The following MTMR3 variants were observed in gnomAD, a reference collection of about 807,000 sequenced individuals.
The protein encoded by MTMR3 is phosphatidylinositol-3,5-bisphosphate 3-phosphatase MTMR3.
A neutral mutation model predicts 132.4 loss-of-function variants in MTMR3; 32 were observed. That is an observed-to-expected ratio of 0.24 (90% CI 0.18 to 0.32). MTMR3 has a LOEUF of 0.32. Among genes scored for constraint, MTMR3 ranks in the 10% least tolerant of loss-of-function variants. The pLI is 1.00. For synonymous variants in MTMR3, 556 were observed against 550.3 expected, an observed-to-expected ratio of 1.01 and a Z score of -0.14; for missense variants, 1,216 against 1,489.6, an observed-to-expected ratio of 0.82 and a Z score of 3.02.
At chr22:29,988,768 ATAATTT>A (rs1313879927) in intron 6 of MTMR3, 2 of 322,968 alleles carry the variant, frequency 6.2e-6, no homozygotes, top group Non-Finnish European at 5.7e-6. Context: ...TAATTTGGAA[ATAATTT>A]TAAATTTACA....
chr22:30,021,929 C>T (rs2067767369), intron 17 of MTMR3, 100 bp from the exon 18 acceptor site: 2 of 896,022 alleles, frequency 2.2e-6, no homozygotes, highest in African/African-American at 1.6e-5. Flanking sequence ...TAGCACTCGG[C>T]CCCACCCAGA....
chr22:29,980,933 C>T (rs2066729124), intron 5 of MTMR3: 1 of 152,210 alleles, frequency 6.6e-6, no homozygotes, highest in Non-Finnish European at 1.5e-5. Context: ...TCCCCATTAT[C>T]ACATTTTTAC....
At chr22:29,932,817 A>G (rs559261626) in intron 1 of MTMR3, among the ~76,000 whole-genome samples, 15 of 152,170 alleles carry the variant, frequency 9.9e-5, no homozygotes, top group South Asian at 2.1e-4. Context: ...GGAACTCTCA[A>G]TGTTCTTCAC....
At chr22:29,893,339 G>C (rs1381940749) in intron 1 of MTMR3, among the ~76,000 whole-genome samples, 2 of 152,088 alleles carry the variant, frequency 1.3e-5, no homozygotes, top group Non-Finnish European at 2.9e-5. Context: ...TCCTTTCACT[G>C]TGTGTGTAAC....
At chr22:29,959,700 T>C (rs574310144) in intron 2 of MTMR3, among the ~76,000 whole-genome samples, 1 of 152,246 alleles carries the variant, frequency 6.6e-6, no homozygotes, top group South Asian at 2.1e-4. Flanking sequence ...ACATATTACT[T>C]GGCTCTGTAG....
intron 1 of MTMR3, among the ~76,000 whole-genome samples, chr22:29,887,470 C>T (rs2064702034): frequency 6.6e-6 from 1 of 152,098 alleles, no homozygotes; most frequent in Non-Finnish European, 1.5e-5. Context: ...CAGTGGTAAA[C>T]CTAGTCTGTA....
intron 18 of MTMR3, chr22:30,022,387 C>T (rs2067784823): frequency 3.3e-6 from 2 of 611,168 alleles, no homozygotes; most frequent in Admixed American, 2.7e-5. Context: ...CTCACAGTGA[C>T]CCAGGGTGCT....
chr22:29,956,076 G>C (rs1602560174), intron 1 of MTMR3, among the ~76,000 whole-genome samples: 1 of 151,954 alleles, frequency 6.6e-6, no homozygotes, highest in Admixed American at 6.6e-5. Context: ...TCAGAGTTTT[G>C]ATATTCTGAG....
chr22:29,999,084 AC>A lies in MTMR3; in HGVS notation c.557+232del, dbSNP rs1296294136. On this transcript the variant is annotated intron_variant, in intron 8 of 19. Transcript: ENST00000401950. ...ACAGGATCCTAGAACCTTCCCTTTTACCCCCTCTAGGCCTCTGTTTTTTCTG... is the reference window on the plus strand; with the variant it reads ...ACAGGATCCTAGAACCTTCCCTTTTACCCCTCTAGGCCTCTGTTTTTTCTG... The A allele has an allele frequency of 1.6e-5, 5 of 306,346 alleles. No individual in the cohort carries two copies. In the Admixed American group the frequency reaches 2.5e-4, roughly 15 times the overall value. The allele number at this position is 306,346 out of a possible 1,614,324, so 19.0% of individuals were successfully genotyped here.
At chr22:29,978,610 C>A in intron 4 of MTMR3, 79 bp downstream of exon 4, 1 of 1,030,404 alleles carries the variant, frequency 9.7e-7, no homozygotes, top group Non-Finnish European at 1.4e-6. Context: ...TTAAGTGTAA[C>A]GTACTATATT....
intron 1 of MTMR3, among the ~76,000 whole-genome samples, chr22:29,927,319 T>G (rs893851029): frequency 6.6e-6 from 1 of 152,182 alleles, no homozygotes. Flanking sequence ...TTTTCATGGT[T>G]GTTTTGGTTA....
chr22:29,907,350 C>T (rs972283859), intron 1 of MTMR3, among the ~76,000 whole-genome samples: 8 of 150,826 alleles, frequency 5.3e-5, no homozygotes, highest in African/African-American at 1.5e-4. Context: ...TGCAGTGAGC[C>T]GAGATAGCAC....
intron 1 of MTMR3, among the ~76,000 whole-genome samples, chr22:29,923,440 A>G (rs2065459042): frequency 6.6e-6 from 1 of 151,672 alleles, no homozygotes; most frequent in Non-Finnish European, 1.5e-5. Flanking sequence ...CCTGGGCTTA[A>G]GTGATCTGCC....
intron 18 of MTMR3, 137 bp from the exon 19 acceptor site, chr22:30,022,472 T>C: frequency 1.4e-6 from 1 of 735,986 alleles, no homozygotes; most frequent in Non-Finnish European, 2.3e-6. Flanking sequence ...TCTTGTACTG[T>C]TGACATCAGA....
rs931694626 is a variant in MTMR3 at position 30,029,003 on chromosome 22, G to A, written c.*3202G>A. ...CAAATTAAAACACTGGCATGGCCTA[G>A]GAAGGGCGTTGCGAGCTCCTAAATG... On this transcript the variant is annotated 3_prime_UTR_variant, in exon 20 of 20. Transcript: ENST00000401950. 2 of 152,426 alleles carry A rather than the reference G, an allele frequency of 1.3e-5. No homozygotes were observed. The highest frequency in any genetic ancestry group is 4.8e-5 in the African/African-American group (2 of 41,456). The allele number at this position is 152,426 out of a possible 1,614,324, so 9.4% of individuals were successfully genotyped here. A position where few individuals can be genotyped will look rare whatever the true frequency, so the allele number is the denominator to read the frequency against.
rs1310741370 is a variant in MTMR3 at position 30,025,935 on chromosome 22, A to T, written c.*134A>T. The T allele has an allele frequency of 3.5e-6, 3 of 847,470 alleles. No individual in the cohort carries two copies. The highest frequency in any genetic ancestry group is 5.6e-6 in the Non-Finnish European group (3 of 536,528). 52.5% of individuals were successfully genotyped at this position (847,470 alleles called of 1,614,324 possible). A position where few individuals can be genotyped will look rare whatever the true frequency, so the allele number is the denominator to read the frequency against. ...ACCTGTACAGAGTGACAGATTTGGG[A>T]TGCACCACTGGATTGTAGATTGATT... On this transcript the variant is annotated 3_prime_UTR_variant, in exon 20 of 20. Transcript: ENST00000401950.
At chr22:29,933,733 G>GTTTTT (rs758195736) in intron 1 of MTMR3, among the ~76,000 whole-genome samples, 20 of 124,132 alleles carry the variant, frequency 1.6e-4, no homozygotes, top group African/African-American at 5.0e-4. Context: ...GCAGTTCTGT[G>GTTTTT]TTTTTTTTTT....
chr22:30,012,630 A>G (rs1034698564), intron 13 of MTMR3, 67 bp downstream of exon 13: 1 of 1,463,520 alleles, frequency 6.8e-7, no homozygotes, highest in African/African-American at 1.4e-5. Context: ...CAGGAGTGAT[A>G]CCAGTTTTGG....
At chr22:29,936,661 T>C (rs1407740218) in intron 1 of MTMR3, among the ~76,000 whole-genome samples, 1 of 152,208 alleles carries the variant, frequency 6.6e-6, no homozygotes, top group Admixed American at 6.5e-5. Flanking sequence ...TTTCTTGCTT[T>C]GTTAACTTCT....
Sources: allele counts gnomAD v4.1 joint callset (sites outside exome capture counted in the v4.1 genomes callset), GRCh38; gene constraint gnomAD v4.1.1; transcripts MANE v1.5; gene names NCBI Gene and HGNC (gene_info 2026-07-23, HGNC 2026-07-21).